PGCKA1: variants seen among roughly 807,000 people sequenced by gnomAD.
PGCKA1 encodes the protein PDCD10 and GCKIII kinases associated 1.
chr4:37,467,209 A>G, the PGCKA1 span, among the ~76,000 whole-genome samples: 2 of 152,234 alleles, frequency 1.3e-5, no homozygotes, highest in African/African-American at 4.8e-5. Context: ...TTAAGTTTTT[A>G]AAAACTTGTT....
chr4:37,549,828 G>T, the PGCKA1 span, among the ~76,000 whole-genome samples: 1 of 151,982 alleles, frequency 6.6e-6, no homozygotes, highest in Non-Finnish European at 1.5e-5. Flanking sequence ...CCCCTGCAAA[G>T]TGACTCTGAA....
the PGCKA1 span, among the ~76,000 whole-genome samples, chr4:37,489,518 C>T: frequency 1.3e-5 from 2 of 151,948 alleles, no homozygotes; most frequent in Non-Finnish European, 2.9e-5. Flanking sequence ...TATAACATTC[C>T]ACTTCATATA....
At chr4:37,590,971 G>T in the PGCKA1 span, 4 of 1,613,094 alleles carry the variant, frequency 2.5e-6, no homozygotes, top group South Asian at 4.4e-5. Flanking sequence ...AGCTGCTACT[G>T]CAGGAGAAGA....
chr4:37,499,918 C>CTT, the PGCKA1 span, among the ~76,000 whole-genome samples: 36,131 of 79,204 alleles, frequency 0.46, 9,850 homozygotes, highest in South Asian at 0.68. Context: ...GTCTTCCTAA[C>CTT]TTTTTTTTTT....
At chr4:37,514,236 C>T in the PGCKA1 span, among the ~76,000 whole-genome samples, 3 of 152,134 alleles carry the variant, frequency 2.0e-5, no homozygotes, top group African/African-American at 4.8e-5. Flanking sequence ...GATTTTATAA[C>T]AGCACCAATC....
At chr4:37,459,984 T>A in the PGCKA1 span, among the ~76,000 whole-genome samples, 6 of 152,084 alleles carry the variant, frequency 3.9e-5, no homozygotes, top group Non-Finnish European at 7.4e-5. Context: ...CCTGATACTC[T>A]CCTCCCCCTG....
chr4:37,549,030 C>G, the PGCKA1 span, among the ~76,000 whole-genome samples: 1 of 150,472 alleles, frequency 6.6e-6, no homozygotes, highest in Non-Finnish European at 1.5e-5. Context: ...TCATGCCAAG[C>G]TCTCTCTGCT....
chr4:37,480,264 G>A, the PGCKA1 span, among the ~76,000 whole-genome samples: 8 of 152,312 alleles, frequency 5.3e-5, no homozygotes, highest in East Asian at 1.9e-4. Flanking sequence ...AGGCCAAGGC[G>A]GGTGGATCAC....
the PGCKA1 span, among the ~76,000 whole-genome samples, chr4:37,535,479 A>C: frequency 2.6e-5 from 4 of 152,100 alleles, no homozygotes; most frequent in African/African-American, 7.2e-5. Flanking sequence ...GGCCACAGTG[A>C]TCCTAAGAGC....
At chr4:37,459,281 A>G in the PGCKA1 span, among the ~76,000 whole-genome samples, 1 of 152,232 alleles carries the variant, frequency 6.6e-6, no homozygotes, top group Admixed American at 6.5e-5. Context: ...TTTAAGCAAT[A>G]AAATTCCAAG....
chr4:37,514,917 G>C, the PGCKA1 span, among the ~76,000 whole-genome samples: 1 of 152,132 alleles, frequency 6.6e-6, no homozygotes, highest in Non-Finnish European at 1.5e-5. Context: ...TGGACTTCTT[G>C]GTTTCAAAAG....
chr4:37,473,351 C>G, the PGCKA1 span, among the ~76,000 whole-genome samples: 2 of 151,866 alleles, frequency 1.3e-5, no homozygotes, highest in Non-Finnish European at 2.9e-5. Flanking sequence ...ATATGATTAG[C>G]CTTGTGATTT....
chr4:37,588,807 A>G, the PGCKA1 span: 3 of 1,394,446 alleles, frequency 2.2e-6, no homozygotes, highest in Non-Finnish European at 3.1e-6. Context: ...CTAATATATC[A>G]CTCACTGTGT....
the PGCKA1 span, among the ~76,000 whole-genome samples, chr4:37,514,067 T>C: frequency 3.3e-5 from 5 of 152,202 alleles, no homozygotes; most frequent in East Asian, 3.8e-4. Flanking sequence ...AAAACTTATA[T>C]TGAATTCTTT....
At chr4:37,475,935 A>C in the PGCKA1 span, among the ~76,000 whole-genome samples, 1 of 151,016 alleles carries the variant, frequency 6.6e-6, no homozygotes, top group Non-Finnish European at 1.5e-5. Flanking sequence ...AAACTAAAAT[A>C]TGTATTTTAT....
the PGCKA1 span, among the ~76,000 whole-genome samples, chr4:37,577,734 T>C: frequency 2.6e-5 from 4 of 152,274 alleles, no homozygotes; most frequent in East Asian, 7.7e-4. Flanking sequence ...CCATAGATTT[T>C]GGTCTCGTGT....
At chr4:37,512,454 C>CTT in the PGCKA1 span, among the ~76,000 whole-genome samples, 46,277 of 126,708 alleles carry the variant, frequency 0.37, 9,523 homozygotes, top group South Asian at 0.45. Context: ...GTGTTGATTT[C>CTT]TTTTTTTTTT....
At chr4:37,533,292 G>T in the PGCKA1 span, among the ~76,000 whole-genome samples, 1 of 151,694 alleles carries the variant, frequency 6.6e-6, no homozygotes, top group Non-Finnish European at 1.5e-5. Context: ...AGGAATTTAA[G>T]CTGGTCTCAT....
the PGCKA1 span, among the ~76,000 whole-genome samples, chr4:37,582,863 A>G: frequency 6.6e-6 from 1 of 152,120 alleles, no homozygotes; most frequent in African/African-American, 2.4e-5. Context: ...CCTCCTCAAA[A>G]TTTCACCCAC....
Sources: allele counts gnomAD v4.1 joint callset (sites outside exome capture counted in the v4.1 genomes callset), GRCh38; gene constraint gnomAD v4.1.1; transcripts MANE v1.5; gene names NCBI Gene and HGNC (gene_info 2026-07-23, HGNC 2026-07-21).